The following DPYSL3 variants were observed in gnomAD, a reference collection of about 807,000 sequenced individuals.
The protein encoded by DPYSL3 is dihydropyrimidinase like 3.
DPYSL3 carries 16 observed loss-of-function variants against 66.1 expected under a neutral mutation model. That is an observed-to-expected ratio of 0.24 (90% CI 0.16 to 0.37). DPYSL3 has a LOEUF of 0.37. Among genes scored for constraint, DPYSL3 ranks in the 10% least tolerant of loss-of-function variants. The pLI is 1.00. For synonymous variants in DPYSL3, 338 were observed against 345.1 expected, an observed-to-expected ratio of 0.98 and a Z score of 0.23; for missense variants, 738 against 916.2, an observed-to-expected ratio of 0.81 and a Z score of 2.51.
intron 1 of DPYSL3, among the ~76,000 whole-genome samples, chr5:147,431,048 T>A (rs894020399): frequency 1.3e-5 from 2 of 152,216 alleles, no homozygotes; most frequent in Admixed American, 1.3e-4. Context: ...AAAATCCAGA[T>A]GAAGGTGCAG....
intron 1 of DPYSL3, among the ~76,000 whole-genome samples, chr5:147,470,394 C>T (rs1223297259): frequency 6.6e-6 from 1 of 152,090 alleles, no homozygotes; most frequent in Non-Finnish European, 1.5e-5. Context: ...CTCCCTTCAC[C>T]TGGTCATCTT....
intron 1 of DPYSL3, among the ~76,000 whole-genome samples, chr5:147,425,242 G>T (rs2163767): frequency 0.085 from 12,956 of 152,130 alleles, 1,489 homozygotes; most frequent in African/African-American, 0.26. Flanking sequence ...CTCAAGTAAG[G>T]GAGACATCCT....
At chr5:147,426,184 G>A (rs185413027) in intron 1 of DPYSL3, among the ~76,000 whole-genome samples, 1 of 152,176 alleles carries the variant, frequency 6.6e-6, no homozygotes, top group South Asian at 2.1e-4. Context: ...GAGTGGGCTT[G>A]TTTAGAGGCT....
intron 6 of DPYSL3, among the ~76,000 whole-genome samples, chr5:147,412,136 G>A (rs1309815890): frequency 6.6e-6 from 1 of 152,152 alleles, no homozygotes; most frequent in Non-Finnish European, 1.5e-5. Flanking sequence ...ATGATTTCTA[G>A]GAATCCAGTG....
At chr5:147,425,296 T>C (rs1752174451) in intron 1 of DPYSL3, among the ~76,000 whole-genome samples, 3 of 152,234 alleles carry the variant, frequency 2.0e-5, no homozygotes, top group South Asian at 2.1e-4. Context: ...ATATTTAAAG[T>C]GGGATAACAT....
chr5:147,453,634 G>A (rs367940618), intron 1 of DPYSL3: 2 of 1,514,898 alleles, frequency 1.3e-6, no homozygotes, highest in Admixed American at 4.2e-5. Flanking sequence ...TCCTTCTTCT[G>A]CTCCGGCTCG....
At chr5:147,414,709 A>T (rs1751925976) in intron 4 of DPYSL3, among the ~76,000 whole-genome samples, 2 of 152,160 alleles carry the variant, frequency 1.3e-5, no homozygotes, top group Non-Finnish European at 2.9e-5. Flanking sequence ...AGAAGGAGTT[A>T]ATCTCACATT....
At chr5:147,426,184 G>C (rs185413027) in intron 1 of DPYSL3, among the ~76,000 whole-genome samples, 1 of 152,294 alleles carries the variant, frequency 6.6e-6, no homozygotes, top group Admixed American at 6.5e-5. Flanking sequence ...GAGTGGGCTT[G>C]TTTAGAGGCT....
At chr5:147,473,396 T>G (rs1581210338) in intron 1 of DPYSL3, 1 of 152,166 alleles carries the variant, frequency 6.6e-6, no homozygotes, top group African/African-American at 2.4e-5. Context: ...GAAAAAACTT[T>G]GTTGGTTTTC....
intron 1 of DPYSL3, among the ~76,000 whole-genome samples, chr5:147,506,565 G>T (rs1753687527): frequency 1.3e-5 from 2 of 152,100 alleles, no homozygotes; most frequent in South Asian, 4.1e-4. Flanking sequence ...AGGAAATCAG[G>T]ATGGTAAAAT....
intron 1 of DPYSL3, among the ~76,000 whole-genome samples, chr5:147,468,782 T>C (rs1280143571): frequency 3.3e-5 from 5 of 152,154 alleles, no homozygotes; most frequent in African/African-American, 9.7e-5. Flanking sequence ...TGTGCAGGTT[T>C]GTTACATATG....
At chr5:147,441,044 A>C (rs1752523041) in intron 1 of DPYSL3, among the ~76,000 whole-genome samples, 1 of 152,238 alleles carries the variant, frequency 6.6e-6, no homozygotes, top group Non-Finnish European at 1.5e-5. Flanking sequence ...ATTATGGTTG[A>C]AAATCAGTTA....
At chr5:147,415,572 G>T in intron 4 of DPYSL3, 137 bp downstream of exon 4, 1 of 1,030,914 alleles carries the variant, frequency 9.7e-7, no homozygotes, top group Non-Finnish European at 1.4e-6. Context: ...GGAACATTGT[G>T]TTATCCCTAC....
chr5:147,407,390 GA>G (rs1751725965), intron 7 of DPYSL3, among the ~76,000 whole-genome samples: 1 of 152,068 alleles, frequency 6.6e-6, no homozygotes, highest in Non-Finnish European at 1.5e-5. Flanking sequence ...AGGGGAGGTT[GA>G]AAAAACAAAC....
intron 1 of DPYSL3, chr5:147,453,486 C>T: frequency 6.7e-7 from 1 of 1,499,476 alleles, no homozygotes; most frequent in African/African-American, 1.4e-5. Context: ...GAGCCGACCC[C>T]GCCCGCAGCG....
At chr5:147,427,399 G>C (rs1752217267) in intron 1 of DPYSL3, among the ~76,000 whole-genome samples, 1 of 152,184 alleles carries the variant, frequency 6.6e-6, no homozygotes. Flanking sequence ...TTGGTTGAAT[G>C]AATAGGTGAA....
At chr5:147,505,471 A>G (rs1055147305) in intron 1 of DPYSL3, among the ~76,000 whole-genome samples, 10 of 152,280 alleles carry the variant, frequency 6.6e-5, no homozygotes, top group African/African-American at 1.9e-4. Context: ...CCTGACCTCA[A>G]GTGATCTGCC....
intron 1 of DPYSL3, among the ~76,000 whole-genome samples, chr5:147,430,333 T>C (rs1752285816): frequency 1.3e-5 from 2 of 151,398 alleles, no homozygotes; most frequent in African/African-American, 4.9e-5. Context: ...CTGTATCTAC[T>C]AAAAATACAA....
intron 11 of DPYSL3, 84 bp from the exon 12 acceptor site, chr5:147,397,929 T>C (rs1758045651): frequency 1.5e-6 from 2 of 1,354,890 alleles, no homozygotes; most frequent in Non-Finnish European, 2.0e-6. Context: ...TTCAGTGTCA[T>C]TTGCTGCTGA....
Sources: allele counts gnomAD v4.1 joint callset (sites outside exome capture counted in the v4.1 genomes callset), GRCh38; gene constraint gnomAD v4.1.1; transcripts MANE v1.5; gene names NCBI Gene and HGNC (gene_info 2026-07-23, HGNC 2026-07-21).